Variants in BPNT2 observed in about 807,000 individuals in gnomAD.
BPNT2 encodes 3'(2'), 5'-bisphosphate nucleotidase 2, also known as Golgi-resident adenosine 3',5'-bisphosphate 3'-phosphatase.
A neutral mutation model predicts 29.3 loss-of-function variants in BPNT2; 11 were observed. The ratio of observed to expected loss-of-function variants is 0.38; its 90% CI spans 0.24 to 0.62. The LOEUF (loss-of-function observed/expected upper bound fraction) is 0.62. Among genes scored for constraint, BPNT2 ranks in the 20% least tolerant of loss-of-function variants. The pLI, the probability that BPNT2 is intolerant of heterozygous loss-of-function variation, is 0.62. For synonymous variants in BPNT2, 195 were observed against 187.7 expected, an observed-to-expected ratio of 1.04 and a Z score of -0.32; for missense variants, 459 against 473.4, an observed-to-expected ratio of 0.97 and a Z score of 0.28.
At chr8:56,976,419 G>A (rs1424308537) in intron 3 of BPNT2, among the ~76,000 whole-genome samples, 3 of 152,104 alleles carry the variant, frequency 2.0e-5, no homozygotes, top group Non-Finnish European at 2.9e-5. Flanking sequence ...AACTAATTCA[G>A]TAAGGATTAA....
At position 56,963,818 on chromosome 8, in the gene BPNT2, T is replaced by C; in HGVS notation, c.1055A>G (p.Asp352Gly). The C allele has an allele frequency of 6.2e-7, 1 of 1,614,210 alleles. No homozygotes were observed. Among genetic ancestry groups the C allele is most frequent in the East Asian group, 2.2e-5 (1 of 44,876 alleles). Reference sequence around the variant, plus strand: ...TCATTTATGTCCTGTCTTTTCTAGATCTGGGAGTTTTCTGACCAGGGCCTG... The same window carrying C: ...TCATTTATGTCCTGTCTTTTCTAGACCTGGGAGTTTTCTGACCAGGGCCTG... Reference protein sequence around the residue: ...NHQALVRKLPDLEKTGHK With the variant: ...NHQALVRKLPGLEKTGHK Residue 352 changes from aspartate (D) to glycine (G), a missense_variant, in exon 5 of 5, where the codon GAT (aspartate) becomes GGT (glycine). By Grantham distance (94) the Asp-to-Gly change is moderately conservative. Transcript: ENST00000262644.
chr8:56,973,209 C>T (rs1806066647), intron 3 of BPNT2, among the ~76,000 whole-genome samples: 1 of 151,980 alleles, frequency 6.6e-6, no homozygotes, highest in South Asian at 2.1e-4. Context: ...CCCTGGCTAC[C>T]GAGAACCCCA....
intron 3 of BPNT2, among the ~76,000 whole-genome samples, chr8:56,967,975 A>C (rs1310003394): frequency 6.6e-6 from 1 of 152,230 alleles, no homozygotes; most frequent in South Asian, 2.1e-4. Context: ...AACAGGGATA[A>C]GAAGTATAAA....
intron 4 of BPNT2, 134 bp downstream of exon 4, chr8:56,966,057 G>GACCA: frequency 1.1e-6 from 1 of 950,524 alleles, no homozygotes; most frequent in Non-Finnish European, 1.7e-6. Flanking sequence ...CCAAACAGGA[G>GACCA]ACCAAGCCTG....
In BPNT2 at chr8:56,960,893, C is replaced by A. The variant is rs1398029634; in HGVS notation, c.*2900G>T. The A allele has an allele frequency of 2.0e-5, 3 of 152,112 alleles. No homozygotes were observed. Among genetic ancestry groups the A allele is most frequent in the Non-Finnish European group, 2.9e-5 (2 of 68,024 alleles). 9.4% of individuals were successfully genotyped at this position (152,112 alleles called of 1,614,324 possible). ...CCTCCTCCAGGATTGATCTCTGATA[C>A]TAGGAACTTTACCAGAGCTTCAGAT... is the stretch of plus-strand genomic sequence containing the variant. On this transcript the variant is annotated 3_prime_UTR_variant, in exon 5 of 5. Coordinates refer to ENST00000262644, the MANE Select transcript of BPNT2 (RefSeq NM_017813.5).
intron 3 of BPNT2, among the ~76,000 whole-genome samples, chr8:56,976,116 A>T (rs1180776456): frequency 1.3e-5 from 2 of 152,094 alleles, no homozygotes; most frequent in African/African-American, 4.8e-5. Flanking sequence ...TGCATGTTTG[A>T]CTTCACAAGT....
intron 3 of BPNT2, among the ~76,000 whole-genome samples, chr8:56,977,630 A>G (rs1262435826): frequency 7.2e-6 from 1 of 138,838 alleles, no homozygotes; most frequent in African/African-American, 3.3e-5. Flanking sequence ...CAGATGTACT[A>G]CGTTGAGATG....
rs539157521 is a variant in BPNT2, at chr8:56,958,351, C to G, written c.*5442G>C. On this transcript the variant is annotated 3_prime_UTR_variant, in exon 5 of 5. Transcript: ENST00000262644. Reference sequence around the variant, plus strand: ...AGAGCACATACAGAGATGGTGCTTGCAGGTAAAAACTGCTCTGAAACCATG... The same window carrying G: ...AGAGCACATACAGAGATGGTGCTTGGAGGTAAAAACTGCTCTGAAACCATG... 18 of 152,188 alleles carry G rather than the reference C, an allele frequency of 1.2e-4. No individual in the cohort carries two copies. The highest frequency in any genetic ancestry group is 4.3e-4 in the African/African-American group (18 of 41,518). The allele number at this position is 152,188 out of a possible 1,614,324, so 9.4% of individuals were successfully genotyped here.
In BPNT2 at chr8:56,957,993, G is replaced by A. The variant is rs1026064805; in HGVS notation, c.*5800C>T. The A allele has an allele frequency of 3.3e-5, 5 of 152,076 alleles. No individual in the cohort carries two copies. Among genetic ancestry groups the A allele is most frequent in the African/African-American group, 1.2e-4 (5 of 41,378 alleles). 9.4% of individuals were successfully genotyped at this position (152,076 alleles called of 1,614,324 possible). A position where few individuals can be genotyped will look rare whatever the true frequency, so the allele number is the denominator to read the frequency against. On this transcript the variant is annotated 3_prime_UTR_variant, in exon 5 of 5. Transcript: ENST00000262644. ...TTTCGTTTGGCAAAGTATATCCGGG[G>A]CAGAGAGTTTGGGATAATTATGTCA...
intron 2 of BPNT2, among the ~76,000 whole-genome samples, 193 bp from the exon 3 acceptor site, chr8:56,978,338 C>T (rs186162717): frequency 3.1e-4 from 47 of 152,226 alleles, no homozygotes; most frequent in Admixed American, 9.2e-4. Context: ...TTCTGGTTCA[C>T]GATGAGATAC....
Position 56,962,245 on chromosome 8 carries a change from A to G in BPNT2, c.*1548T>C, listed in dbSNP as rs1805850287. 6.6e-6 allele frequency: 1 copy of G among 152,230 alleles called. No homozygotes were observed. Among genetic ancestry groups the G allele is most frequent in the Non-Finnish European group, 1.5e-5 (1 of 68,036 alleles). The allele number at this position is 152,230 out of a possible 1,614,324, so 9.4% of individuals were successfully genotyped here. A position where few individuals can be genotyped will look rare whatever the true frequency, so the allele number is the denominator to read the frequency against. ...GGTGAAAACATTTGTGTCATATTAG[A>G]TTCAGTTTACTAATAAGAAAGTAAA... On this transcript the variant is annotated 3_prime_UTR_variant, in exon 5 of 5. Coordinates refer to ENST00000262644, the MANE Select transcript of BPNT2 (RefSeq NM_017813.5).
chr8:56,973,001 C>T (rs1806063724), intron 3 of BPNT2, among the ~76,000 whole-genome samples: 1 of 152,112 alleles, frequency 6.6e-6, no homozygotes, highest in East Asian at 1.9e-4. Flanking sequence ...CCCTTATCTA[C>T]AAAACCGCTA....
At chr8:56,986,245 GA>G (rs1228793961) in intron 1 of BPNT2, among the ~76,000 whole-genome samples, 2 of 151,978 alleles carry the variant, frequency 1.3e-5, no homozygotes, top group African/African-American at 4.8e-5. Context: ...GGAACTCTGA[GA>G]AAAAACAAAC....
intron 3 of BPNT2, among the ~76,000 whole-genome samples, chr8:56,972,760 C>T (rs1338885056): frequency 1.3e-5 from 2 of 151,590 alleles, no homozygotes; most frequent in African/African-American, 4.9e-5. Context: ...AACCAAGAGG[C>T]AGCAGACAAG....
At chr8:56,992,547 G>A (rs2129207266) in intron 1 of BPNT2, among the ~76,000 whole-genome samples, 1 of 152,250 alleles carries the variant, frequency 6.6e-6, no homozygotes, top group South Asian at 2.1e-4. Context: ...CTTATTCTCT[G>A]GAGTAAATAT....
At chr8:56,991,121 T>C (rs1307970933) in intron 1 of BPNT2, among the ~76,000 whole-genome samples, 3 of 152,212 alleles carry the variant, frequency 2.0e-5, no homozygotes, top group Admixed American at 6.5e-5. Flanking sequence ...CTCCACTTAG[T>C]TGGCTACAAT....
At chr8:56,981,085 C>G (rs1405250192) in intron 1 of BPNT2, among the ~76,000 whole-genome samples, 2 of 152,024 alleles carry the variant, frequency 1.3e-5, no homozygotes, top group East Asian at 3.9e-4. Flanking sequence ...TGTTTAACAG[C>G]ATCCCTGGCT....
At chr8:56,976,790 C>A (rs868266631) in intron 3 of BPNT2, among the ~76,000 whole-genome samples, 1 of 152,152 alleles carries the variant, frequency 6.6e-6, no homozygotes, top group African/African-American at 2.4e-5. Flanking sequence ...GCCCTTAAGA[C>A]ACAATGGGGA....
chr8:56,958,317 A>G lies in BPNT2; in HGVS notation c.*5476T>C, dbSNP rs1805772219. 6.6e-6 allele frequency: 1 copy of G among 152,224 alleles called. No individual in the cohort carries two copies. Among genetic ancestry groups the G allele is most frequent in the African/African-American group, 2.4e-5 (1 of 41,450 alleles). 9.4% of individuals were successfully genotyped at this position (152,224 alleles called of 1,614,324 possible). A position where few individuals can be genotyped will look rare whatever the true frequency, so the allele number is the denominator to read the frequency against. ...ATGCAATCCCTCTCAAGAACTGTAT[A>G]ATCTAGTAAGAGCACATACAGAGAT... On this transcript the variant is annotated 3_prime_UTR_variant, in exon 5 of 5. Coordinates refer to ENST00000262644, the MANE Select transcript of BPNT2 (RefSeq NM_017813.5).
Sources: allele counts gnomAD v4.1 joint callset (sites outside exome capture counted in the v4.1 genomes callset), GRCh38; gene constraint gnomAD v4.1.1; transcripts MANE v1.5; gene names NCBI Gene and HGNC (gene_info 2026-07-23, HGNC 2026-07-21).